AZIN2: variants seen among roughly 807,000 people sequenced by gnomAD.
AZIN2 encodes the protein antizyme inhibitor 2.
In AZIN2, 28 loss-of-function variants were observed where a neutral mutation model predicts 47.8. That is an observed-to-expected ratio of 0.59 (90% CI 0.43 to 0.80). The LOEUF (loss-of-function observed/expected upper bound fraction) is 0.80. Among genes scored for constraint, AZIN2 ranks in the 30% least tolerant of loss-of-function variants. AZIN2 has a pLI of 0.00. For missense variants in AZIN2, 535 were observed against 582.5 expected (o/e 0.92, Z 0.84); for synonymous variants, 221 against 239.4 (o/e 0.92, Z 0.71).
intron 7 of AZIN2, 129 bp downstream of exon 7, chr1:33,093,545 CA>C: frequency 8.1e-7 from 1 of 1,236,758 alleles, no homozygotes. Context: ...GGAATTCTTC[CA>C]TTTGAGAATT....
the AZIN2 span, chr1:33,146,338 C>T: frequency 5.9e-6 from 1 of 170,112 alleles, no homozygotes; most frequent in Non-Finnish European, 1.3e-5. Flanking sequence ...ACAACTGCTT[C>T]TGGAAGCCTC....
downstream of AZIN2, among the ~76,000 whole-genome samples, chr1:33,127,656 G>C (rs771822705): frequency 2.0e-5 from 3 of 152,176 alleles, no homozygotes; most frequent in Non-Finnish European, 4.4e-5. Context: ...GGAGGATCTG[G>C]GTAAAAGAAC....
At position 33,117,912 on chromosome 1, in the gene AZIN2, C is replaced by T. The variant is rs751668663; in HGVS notation, c.1040C>T (p.Thr347Met). 17 of 1,614,112 alleles carry T rather than the reference C, an allele frequency of 1.1e-5. No homozygotes were observed. Among genetic ancestry groups the T allele is most frequent in the East Asian group, 6.7e-5 (3 of 44,898 alleles). The change falls in exon 11 of 12, where the codon ACG becomes ATG. Residue 347 changes from threonine to methionine, a missense_variant. Thr to Met is a moderately conservative substitution (Grantham distance 81). This residue lies in a region of AZIN2 where 4 missense variants were observed against 17.7 expected (regional missense o/e 0.23). Coordinates refer to ENST00000294517, the MANE Select transcript of AZIN2 (RefSeq NM_052998.4). ...CCCTTCTTCCTACAGAAACCATCCA[C>T]GGAGCAGCCCCTGTACAGCAGCAGC... ...PTPILQKKPS[T>M]EQPLYSSSLW...
At chr1:33,129,346 T>TA in the AZIN2 span, among the ~76,000 whole-genome samples, 3 of 152,298 alleles carry the variant, frequency 2.0e-5, no homozygotes, top group Admixed American at 1.3e-4. The surrounding 1 kb of genome is among the most constrained non-coding windows in gnomAD (Gnocchi z 4.1). Context: ...GGACCGGCCT[T>TA]ACAAACATTC....
downstream of AZIN2, among the ~76,000 whole-genome samples, chr1:33,128,100 A>C (rs1290587552): frequency 6.6e-6 from 1 of 151,674 alleles, no homozygotes; most frequent in Non-Finnish European, 1.5e-5. Flanking sequence ...ACGGTAGCTC[A>C]CACCTGTAAT....
chr1:33,150,289 C>T, the AZIN2 span, among the ~76,000 whole-genome samples: 3 of 151,924 alleles, frequency 2.0e-5, no homozygotes, highest in Non-Finnish European at 2.9e-5. Flanking sequence ...TTGGCTGGAG[C>T]ATTCTCCCTA....
At chr1:33,127,703 T>A (rs963152184), downstream of AZIN2, among the ~76,000 whole-genome samples, 5 of 152,220 alleles carry the variant, frequency 3.3e-5, no homozygotes, top group South Asian at 6.2e-4. Flanking sequence ...GTCTCCGATG[T>A]CCTTCTCAAC....
the AZIN2 span, chr1:33,158,340 G>A: frequency 6.2e-7 from 1 of 1,613,918 alleles, no homozygotes; most frequent in South Asian, 1.1e-5. Context: ...TCATATGTGA[G>A]GTTGGTCTCA....
At chr1:33,158,046 C>T in the AZIN2 span, among the ~76,000 whole-genome samples, 3 of 152,258 alleles carry the variant, frequency 2.0e-5, no homozygotes, top group African/African-American at 4.8e-5. Context: ...TGAGCCACCA[C>T]GCCCAGCCAT....
the AZIN2 span, among the ~76,000 whole-genome samples, chr1:33,133,635 T>C: frequency 6.6e-6 from 1 of 152,210 alleles, no homozygotes; most frequent in Non-Finnish European, 1.5e-5. Flanking sequence ...ATCAGGGCAC[T>C]GCAGCTTGTA....
the AZIN2 span, chr1:33,143,314 G>A: frequency 1.3e-5 from 2 of 152,496 alleles, no homozygotes; most frequent in Admixed American, 1.3e-4. Context: ...AGCTGCTGCT[G>A]AGGCTGAGTG....
At chr1:33,165,507 C>T in the AZIN2 span, 16 of 1,609,742 alleles carry the variant, frequency 9.9e-6, no homozygotes, top group South Asian at 5.5e-5. This position sits in a 1 kb window ranked among gnomAD's most constrained non-coding sequence, Gnocchi z 4.0. Context: ...GCAGCTGCAG[C>T]GCTTCGGTGT....
chr1:33,145,827 G>A, the AZIN2 span: 4 of 470,010 alleles, frequency 8.5e-6, no homozygotes, highest in Admixed American at 7.1e-5. Flanking sequence ...AAAAACGCAG[G>A]TGGGGCTTGC....
At chr1:33,096,172 G>T (rs1643128749) in intron 8 of AZIN2, among the ~76,000 whole-genome samples, 1 of 152,110 alleles carries the variant, frequency 6.6e-6, no homozygotes, top group Admixed American at 6.5e-5. Flanking sequence ...TTATAAGGAA[G>T]GGAAAATGTA....
chr1:33,129,082 G>C, the AZIN2 span, among the ~76,000 whole-genome samples: 1 of 152,164 alleles, frequency 6.6e-6, no homozygotes. This position sits in a 1 kb window ranked among gnomAD's most constrained non-coding sequence, Gnocchi z 4.1. Context: ...CAGGGCACTG[G>C]CGTGTACAAG....
At chr1:33,084,295 C>CGAG (rs1346947633) in intron 5 of AZIN2, among the ~76,000 whole-genome samples, 168 bp downstream of exon 5, 6 of 152,172 alleles carry the variant, frequency 3.9e-5, no homozygotes, top group Non-Finnish European at 8.8e-5. Context: ...GAGGGAGAAA[C>CGAG]GAGCATGGAA....
At chr1:33,092,362 AG>A (rs996849110) in intron 6 of AZIN2, 140 bp downstream of exon 6, 1 of 6,486 alleles carries the variant, frequency 1.5e-4, no homozygotes, top group African/African-American at 1.0e-3. Context: ...GGGTGGGGTG[AG>A]GGGGTGGAGC....
At chr1:33,117,367 G>A (rs1644593900) in intron 10 of AZIN2, among the ~76,000 whole-genome samples, 1 of 152,184 alleles carries the variant, frequency 6.6e-6, no homozygotes, top group Non-Finnish European at 1.5e-5. Context: ...CCCCAGGGCT[G>A]GGCTCAGAAG....
chr1:33,099,638 G>C (rs887885559), intron 10 of AZIN2, among the ~76,000 whole-genome samples: 1 of 152,120 alleles, frequency 6.6e-6, no homozygotes, highest in Admixed American at 6.6e-5. Context: ...GCCCCCCACC[G>C]GGATCTTTGC....
Sources: gnomAD v4.1 joint callset for allele counts (sites outside exome capture counted in the v4.1 genomes callset) on GRCh38, gnomAD v4.1.1 for gene constraint, gnomAD v4.1.1 regional missense constraint, Gnocchi (gnomAD v3.1) non-coding constraint, MANE v1.5 for transcripts, NCBI Gene and HGNC (gene_info 2026-07-23, HGNC 2026-07-21) for gene names.